Variants in ZNF131 observed in about 807,000 individuals in gnomAD.
ZNF131 encodes zinc finger protein 131.
A neutral mutation model predicts 60.0 loss-of-function variants in ZNF131; 7 were observed. The ratio of observed to expected loss-of-function variants is 0.12; its 90% CI spans 0.07 to 0.22. ZNF131 has a LOEUF of 0.22. Among genes scored for constraint, ZNF131 ranks in the 10% least tolerant of loss-of-function variants. The pLI is 1.00. For synonymous variants in ZNF131, 257 were observed against 253.2 expected (o/e 1.01, Z -0.14); for missense variants, 493 against 740.9 (o/e 0.67, Z 3.88).
chr5:43,163,329 T>A (rs1749980852), intron 5 of ZNF131, among the ~76,000 whole-genome samples: 1 of 152,124 alleles, frequency 6.6e-6, no homozygotes, highest in Admixed American at 6.5e-5. Context: ...GCACAGTAGG[T>A]TAGTAGGCAG....
intron 4 of ZNF131, among the ~76,000 whole-genome samples, chr5:43,143,002 G>C (rs1747057666): frequency 1.3e-5 from 2 of 151,234 alleles, no homozygotes; most frequent in African/African-American, 4.9e-5. Flanking sequence ...GGCCAGACAT[G>C]GTTTCTTTTT....
chr5:43,134,697 T>TC (rs1410518597), intron 3 of ZNF131, among the ~76,000 whole-genome samples: 17 of 135,070 alleles, frequency 1.3e-4, no homozygotes, highest in Middle Eastern at 3.9e-3. Flanking sequence ...TTTTTTCTTT[T>TC]TTTTTTTTTT....
At chr5:43,171,464 G>C (rs1315290669) in intron 5 of ZNF131, among the ~76,000 whole-genome samples, 1 of 152,070 alleles carries the variant, frequency 6.6e-6, no homozygotes, top group Non-Finnish European at 1.5e-5. Context: ...CTTGAGGTCA[G>C]GAGTTCAGGA....
intron 2 of ZNF131, 111 bp downstream of exon 2, chr5:43,122,288 T>G: frequency 7.7e-7 from 1 of 1,297,772 alleles, no homozygotes; most frequent in Non-Finnish European, 1.0e-6. Context: ...CTCTATGGTC[T>G]CCCTACCAAA....
intron 4 of ZNF131, among the ~76,000 whole-genome samples, chr5:43,143,730 C>A (rs1747156904): frequency 6.6e-6 from 1 of 151,980 alleles, no homozygotes; most frequent in East Asian, 1.9e-4. Flanking sequence ...TTATAGGGTA[C>A]ACCATCAGTG....
At position 43,130,558 on chromosome 5, in the gene ZNF131, T is replaced by A. The variant is rs149078037; in HGVS notation, c.226+7248T>A. 1.4e-3 allele frequency among the ~76,000 whole-genome samples: 208 copies of A among 152,220 alleles called. 2 individuals are homozygous for A. The highest frequency in any genetic ancestry group is 4.7e-3 in the African/African-American group (197 of 41,542). On this transcript the variant is annotated intron_variant, in intron 3 of 6. Transcript: ENST00000682664. ...GTTTCGATTCTTTTACCACATTTTT[T>A]AATTTTAATTTTAATTTTTTTTTGA...
At chr5:43,142,206 T>C (rs1746931523) in intron 4 of ZNF131, among the ~76,000 whole-genome samples, 1 of 150,770 alleles carries the variant, frequency 6.6e-6, no homozygotes, top group African/African-American at 2.4e-5. Flanking sequence ...AGCCAGGCGT[T>C]GTGGCGGGCG....
At chr5:43,134,982 C>T (rs72750768) in intron 3 of ZNF131, among the ~76,000 whole-genome samples, 27,636 of 150,390 alleles carry the variant, frequency 0.18, 2,940 homozygotes, top group Middle Eastern at 0.35. Context: ...CAGGCATGAG[C>T]CACCGCGCCC....
intron 4 of ZNF131, among the ~76,000 whole-genome samples, chr5:43,147,656 C>T (rs915556907): frequency 2.0e-5 from 3 of 150,792 alleles, no homozygotes; most frequent in African/African-American, 4.8e-5. Flanking sequence ...CTCCTGACCT[C>T]GTGATCCACC....
intron 4 of ZNF131, among the ~76,000 whole-genome samples, chr5:43,151,351 AGTCACCCGAGG>A (rs1561422368): frequency 1.3e-5 from 2 of 152,202 alleles, no homozygotes; most frequent in Non-Finnish European, 2.9e-5. Context: ...AGACCTCCAC[AGTCACCCGAGG>A]GCTGCTTGAT....
chr5:43,174,743 T>C lies in ZNF131; in HGVS notation c.1482T>C (p.Thr494=). Residue 494 remains threonine (T), a synonymous_variant, in exon 7 of 7, where the codon ACT becomes ACC. Transcript: ENST00000682664. ...LQVQVDSAQV[T]VEQVHPDLLQ... ...TTCAGGTGGATTCAGCACAAGTGAC[T>C]GTGGAACAAGTCCATCCAGATCTGC... 1 of 1,614,220 alleles carries C rather than the reference T, an allele frequency of 6.2e-7. No individual in the cohort carries two copies. Among genetic ancestry groups the C allele is most frequent in the Non-Finnish European group, 8.5e-7 (1 of 1,180,038 alleles).
At chr5:43,152,230 C>A (rs1019571095) in intron 4 of ZNF131, among the ~76,000 whole-genome samples, 1 of 152,042 alleles carries the variant, frequency 6.6e-6, no homozygotes, top group African/African-American at 2.4e-5. Context: ...CTCGAACTCC[C>A]GACCTCAAGT....
chr5:43,171,304 C>T (rs13163892), intron 5 of ZNF131, among the ~76,000 whole-genome samples: 1 of 152,058 alleles, frequency 6.6e-6, no homozygotes, highest in Admixed American at 6.6e-5. Context: ...AAAGCCAATT[C>T]TGGATCCCAT....
intron 5 of ZNF131, among the ~76,000 whole-genome samples, chr5:43,164,329 A>T (rs931656666): frequency 6.6e-6 from 1 of 152,230 alleles, no homozygotes; most frequent in African/African-American, 2.4e-5. Flanking sequence ...TCCCCCGCAT[A>T]TACCAAGGGA....
intron 5 of ZNF131, among the ~76,000 whole-genome samples, chr5:43,164,275 G>A (rs888124068): frequency 6.6e-6 from 1 of 152,134 alleles, no homozygotes; most frequent in Admixed American, 6.6e-5. Context: ...CCACAGGGCC[G>A]GCTGCAGGAC....
chr5:43,171,343 C>A (rs1441022678), intron 5 of ZNF131, among the ~76,000 whole-genome samples: 1 of 152,164 alleles, frequency 6.6e-6, no homozygotes, highest in Non-Finnish European at 1.5e-5. Context: ...AACCATGTCC[C>A]ATCTATCATT....
At chr5:43,148,586 A>G (rs559986471) in intron 4 of ZNF131, among the ~76,000 whole-genome samples, 1 of 152,242 alleles carries the variant, frequency 6.6e-6, no homozygotes, top group Non-Finnish European at 1.5e-5. Flanking sequence ...GTAGCAAGGC[A>G]GCTATAGACA....
chr5:43,134,693 CTTTTTTTTTTTT>C (rs149464238), intron 3 of ZNF131, among the ~76,000 whole-genome samples: 26 of 88,408 alleles, frequency 2.9e-4, no homozygotes, highest in African/African-American at 4.1e-4. Context: ...TTCTTTTTTT[CTTTTTTTTTTTT>C]TTTTTTTTTT....
At chr5:43,125,197 C>T (rs1579699681) in intron 3 of ZNF131, among the ~76,000 whole-genome samples, 1 of 152,118 alleles carries the variant, frequency 6.6e-6, no homozygotes, top group Middle Eastern at 3.4e-3. Context: ...AAAAGTATTA[C>T]AAAGACTATT....
Sources: allele counts gnomAD v4.1 joint callset (sites outside exome capture counted in the v4.1 genomes callset), GRCh38; gene constraint gnomAD v4.1.1; transcripts MANE v1.5; gene names NCBI Gene and HGNC (gene_info 2026-07-23, HGNC 2026-07-21).